The following UNC5D variants were observed in gnomAD, a reference collection of about 807,000 sequenced individuals.
The protein encoded by UNC5D is netrin receptor UNC5D.
Under a neutral mutation model 105.4 loss-of-function variants are expected in UNC5D, and 39 were observed. The observed-to-expected ratio is 0.37, with a 90% confidence interval of 0.29 to 0.48. The LOEUF (loss-of-function observed/expected upper bound fraction) is 0.48, where lower values mean the gene tolerates loss of function less well. Among genes scored for constraint, UNC5D ranks in the 20% least tolerant of loss-of-function variants. UNC5D has a pLI of 0.98. For missense variants in UNC5D, 991 were observed against 1,202.4 expected (o/e 0.82, Z 2.60); for synonymous variants, 452 against 450.4 (o/e 1.00, Z -0.04).
At chr8:35,576,874 A>G (rs1054562999) in intron 3 of UNC5D, among the ~76,000 whole-genome samples, 1 of 152,114 alleles carries the variant, frequency 6.6e-6, no homozygotes, top group African/African-American at 2.4e-5. Flanking sequence ...CGGCCTCCCA[A>G]AGTGCTAGGA....
chr8:35,498,084 CAAAA>C (rs58175711), intron 1 of UNC5D, among the ~76,000 whole-genome samples: 1 of 58,184 alleles, frequency 1.7e-5, no homozygotes, highest in Non-Finnish European at 4.7e-5. Flanking sequence ...CAAAACAAAA[CAAAA>C]AAAAAAAAAA....
chr8:35,337,573 G>A (rs556449041), intron 1 of UNC5D, among the ~76,000 whole-genome samples: 1 of 152,240 alleles, frequency 6.6e-6, no homozygotes, highest in East Asian at 1.9e-4. Flanking sequence ...AATATGCCCC[G>A]ATTTGTGGGC....
At chr8:35,774,147 A>T in intron 15 of UNC5D, 152 bp from the exon 16 acceptor site, 1 of 783,566 alleles carries the variant, frequency 1.3e-6, no homozygotes, top group Non-Finnish European at 2.0e-6. Flanking sequence ...TCTTAGAAGA[A>T]AGGGGAACTT....
intron 15 of UNC5D, among the ~76,000 whole-genome samples, chr8:35,771,144 A>C (rs1407892699): frequency 6.6e-6 from 1 of 152,204 alleles, no homozygotes; most frequent in Non-Finnish European, 1.5e-5. Context: ...AAAATTACTT[A>C]TTTTTAGACT....
intron 1 of UNC5D, among the ~76,000 whole-genome samples, chr8:35,415,178 T>C (rs948071728): frequency 1.3e-5 from 2 of 152,122 alleles, no homozygotes; most frequent in African/African-American, 4.8e-5. Context: ...TTTCTTCTAG[T>C]GTTTTATAGT....
At chr8:35,564,789 C>T (rs953792842) in intron 2 of UNC5D, among the ~76,000 whole-genome samples, 5 of 152,164 alleles carry the variant, frequency 3.3e-5, no homozygotes, top group African/African-American at 4.8e-5. Context: ...ATTATACCAT[C>T]CTGTATGCCC....
chr8:35,727,524 T>G (rs571064245), intron 10 of UNC5D: 9 of 152,172 alleles, frequency 5.9e-5, no homozygotes, highest in Non-Finnish European at 1.2e-4. Flanking sequence ...AACTGACCCC[T>G]CTAGTAGCTT....
chr8:35,300,439 T>C (rs1807853435), intron 1 of UNC5D, among the ~76,000 whole-genome samples: 1 of 68,716 alleles, frequency 1.5e-5, no homozygotes, highest in African/African-American at 6.1e-5. Flanking sequence ...AGAGAGAGAC[T>C]CCCTCTCAAA....
intron 7 of UNC5D, among the ~76,000 whole-genome samples, chr8:35,687,130 G>T (rs1826058619): frequency 6.6e-6 from 1 of 152,266 alleles, no homozygotes; most frequent in Middle Eastern, 3.4e-3. Flanking sequence ...CTGTGGCAAG[G>T]AACATGTCTT....
chr8:35,684,558 C>G, intron 5 of UNC5D, 24 bp from the exon 6 acceptor site: 1 of 1,597,852 alleles, frequency 6.3e-7, no homozygotes. Context: ...CTTTTTTTCT[C>G]CCCTCCCCAT....
At chr8:35,357,428 A>C (rs1208327354) in intron 1 of UNC5D, among the ~76,000 whole-genome samples, 1 of 152,096 alleles carries the variant, frequency 6.6e-6, no homozygotes, top group Admixed American at 6.6e-5. Flanking sequence ...GGGTTGCAAC[A>C]CTTTTCACTT....
At chr8:35,597,376 T>C (rs1425421621) in intron 4 of UNC5D, among the ~76,000 whole-genome samples, 1 of 152,228 alleles carries the variant, frequency 6.6e-6, no homozygotes, top group African/African-American at 2.4e-5. Context: ...CCTCCTTTCC[T>C]GAACAGGGTG....
At chr8:35,487,426 A>T (rs1810893644) in intron 1 of UNC5D, among the ~76,000 whole-genome samples, 2 of 152,104 alleles carry the variant, frequency 1.3e-5, no homozygotes, top group Admixed American at 6.5e-5. Context: ...CTGCCAGCTG[A>T]CTTCCTCTGG....
At chr8:35,512,903 C>G (rs13328368) in intron 1 of UNC5D, among the ~76,000 whole-genome samples, 1,887 of 151,850 alleles carry the variant, frequency 0.012, 52 homozygotes, top group African/African-American at 0.044. Flanking sequence ...CTGGCCTTGA[C>G]CTCCGGACCT....
chr8:35,722,389 C>A lies in UNC5D; in HGVS notation c.1297C>A (p.Arg433Ser), dbSNP rs199800648. The change falls in exon 9 of 17, where the codon CGT becomes AGT. Residue 433 changes from arginine (R) to serine (S), a missense_variant. Arg to Ser is a moderately radical substitution (Grantham distance 110). Coordinates refer to ENST00000404895, the MANE Select transcript of UNC5D (RefSeq NM_080872.4). Reference sequence around the variant, plus strand: ...CCAGACCTTCAACTTCAAAACAGTCCGTCAAGGTCAGCGGCATAGGTCCCT... The same window carrying A: ...CCAGACCTTCAACTTCAAAACAGTCAGTCAAGGTCAGCGGCATAGGTCCCT... ...GFQTFNFKTV[R>S]QGNSLLLNSA... 33 of 1,613,438 alleles carry A rather than the reference C, an allele frequency of 2.0e-5. No homozygotes were observed. Among genetic ancestry groups the A allele is most frequent in the Admixed American group, 3.3e-5 (2 of 59,970 alleles).
chr8:35,629,834 T>A (rs1337486121), intron 4 of UNC5D, among the ~76,000 whole-genome samples: 1 of 152,138 alleles, frequency 6.6e-6, no homozygotes, highest in African/African-American at 2.4e-5. Flanking sequence ...TCTTAAATTA[T>A]CCCCCCACCC....
intron 1 of UNC5D, among the ~76,000 whole-genome samples, chr8:35,474,754 G>T (rs138636269): frequency 1.1e-3 from 163 of 152,266 alleles, no homozygotes; most frequent in African/African-American, 3.7e-3. Context: ...ACCTCTCATT[G>T]CATGAGGCCA....
At chr8:35,453,665 G>C (rs984519300) in intron 1 of UNC5D, among the ~76,000 whole-genome samples, 2 of 152,136 alleles carry the variant, frequency 1.3e-5, no homozygotes, top group Non-Finnish European at 2.9e-5. Flanking sequence ...TTGCTGTTTG[G>C]CCTAGTTCTT....
At chr8:35,333,749 G>A (rs919080798) in intron 1 of UNC5D, among the ~76,000 whole-genome samples, 7 of 152,142 alleles carry the variant, frequency 4.6e-5, no homozygotes, top group African/African-American at 1.7e-4. Context: ...CAAAGTGCTG[G>A]GATTACAGGC....
Sources: allele counts gnomAD v4.1 joint callset (sites outside exome capture counted in the v4.1 genomes callset), GRCh38; gene constraint gnomAD v4.1.1; transcripts MANE v1.5; gene names NCBI Gene and HGNC (gene_info 2026-07-23, HGNC 2026-07-21).